The following AGBL1 variants were observed in gnomAD, a reference collection of about 807,000 sequenced individuals.
AGBL1 encodes the protein cytosolic carboxypeptidase 4.
Under a neutral mutation model 118.9 loss-of-function variants are expected in AGBL1, and 130 were observed. That is an observed-to-expected ratio of 1.09 (90% confidence interval 0.95 to 1.26). The LOEUF (loss-of-function observed/expected upper bound fraction) is 1.26, where lower values mean the gene tolerates loss of function less well. Among genes scored for constraint, AGBL1 ranks in the 50% most tolerant of loss-of-function variants. AGBL1 has a pLI of 0.00. For synonymous variants in AGBL1, 555 were observed against 478.9 expected, an observed-to-expected ratio of 1.16 and a Z score of -2.08; for missense variants, 1,584 against 1,298.1, an observed-to-expected ratio of 1.22 and a Z score of -3.38.
intron 5 of AGBL1, among the ~76,000 whole-genome samples, chr15:86,224,001 T>G (rs1054495158): frequency 6.6e-6 from 1 of 152,164 alleles, no homozygotes; most frequent in Non-Finnish European, 1.5e-5. Flanking sequence ...ATCCCAGCTC[T>G]GCTGACATGT....
rs139952795 is a variant in AGBL1, at chr15:86,877,591, C to G, written c.3159-29496C>G. On this transcript the variant is annotated intron_variant, in intron 22 of 22. Coordinates refer to ENST00000614907, the MANE Select transcript of AGBL1 (RefSeq NM_001386094.1). Reference sequence around the variant, plus strand: ...ATGAGCCTCCCCTACAGGAAGGAAACACACTAGGCATCTCCAAGTCCAGTT... The same window carrying G: ...ATGAGCCTCCCCTACAGGAAGGAAAGACACTAGGCATCTCCAAGTCCAGTT... 3.3e-5 allele frequency among the ~76,000 whole-genome samples: 5 copies of G among 152,274 alleles called. No homozygotes were observed. The East Asian group carries it at 9.7e-4, about 29-fold the overall frequency.
chr15:86,444,491 G>T (rs546246499), intron 18 of AGBL1, among the ~76,000 whole-genome samples: 2 of 152,160 alleles, frequency 1.3e-5, no homozygotes, highest in African/African-American at 2.4e-5. Flanking sequence ...TTGCCCAAAG[G>T]GTTCACTACA....
intron 18 of AGBL1, among the ~76,000 whole-genome samples, chr15:86,509,345 G>T (rs1247210418): frequency 1.3e-5 from 2 of 152,046 alleles, no homozygotes; most frequent in Non-Finnish European, 2.9e-5. Context: ...GGATTTGAGA[G>T]TTGGGAGAGC....
intron 17 of AGBL1, among the ~76,000 whole-genome samples, chr15:86,354,052 C>T (rs1210909888): frequency 3.3e-5 from 5 of 152,178 alleles, no homozygotes; most frequent in Non-Finnish European, 5.9e-5. Flanking sequence ...GGGTGATTTG[C>T]ACTTCTGCAT....
chr15:86,340,396 T>C (rs926980822), intron 17 of AGBL1, among the ~76,000 whole-genome samples: 4 of 152,048 alleles, frequency 2.6e-5, no homozygotes, highest in Non-Finnish European at 5.9e-5. Context: ...GATGAAGTCA[T>C]CCTAGGTTTA....
At chr15:86,927,517 T>C (rs1243599707) in intron 23 of AGBL1, among the ~76,000 whole-genome samples, 1 of 151,922 alleles carries the variant, frequency 6.6e-6, no homozygotes, top group Non-Finnish European at 1.5e-5. Flanking sequence ...AGCCCAGGAG[T>C]TCCAGGCTGC....
At chr15:86,795,910 A>G (rs1387525523) in intron 22 of AGBL1, among the ~76,000 whole-genome samples, 1 of 151,592 alleles carries the variant, frequency 6.6e-6, no homozygotes, top group Non-Finnish European at 1.5e-5. Flanking sequence ...CTTACAGCCC[A>G]GAAGGCACAC....
intron 22 of AGBL1, among the ~76,000 whole-genome samples, chr15:86,725,002 T>C (rs1312204233): frequency 2.0e-5 from 3 of 152,030 alleles, no homozygotes; most frequent in Non-Finnish European, 4.4e-5. Context: ...TATTCCTTTA[T>C]AGCAATGCAA....
At chr15:86,421,762 G>A (rs1200902612) in intron 18 of AGBL1, among the ~76,000 whole-genome samples, 1 of 151,924 alleles carries the variant, frequency 6.6e-6, no homozygotes, top group Non-Finnish European at 1.5e-5. Context: ...GGAAGATTTA[G>A]CAAGCAAATA....
At chr15:86,128,623 A>T (rs142979488) in intron 1 of AGBL1, among the ~76,000 whole-genome samples, 1 of 152,282 alleles carries the variant, frequency 6.6e-6, no homozygotes, top group African/African-American at 2.4e-5. Flanking sequence ...GTTCAACCTT[A>T]CAGTGTTTGC....
intron 22 of AGBL1, among the ~76,000 whole-genome samples, chr15:86,845,471 T>A (rs1337591405): frequency 1.3e-5 from 2 of 152,144 alleles, no homozygotes; most frequent in Non-Finnish European, 2.9e-5. Flanking sequence ...TGATGTACAA[T>A]CCTTTTTTTA....
chr15:86,278,249 A>G (rs1401747127), intron 15 of AGBL1, among the ~76,000 whole-genome samples: 2 of 152,188 alleles, frequency 1.3e-5, no homozygotes, highest in Non-Finnish European at 2.9e-5. Flanking sequence ...AAGGAAACGG[A>G]TTCTATTAAT....
intron 22 of AGBL1, among the ~76,000 whole-genome samples, chr15:86,859,918 C>T (rs2079537634): frequency 6.6e-6 from 1 of 152,114 alleles, no homozygotes; most frequent in Non-Finnish European, 1.5e-5. Flanking sequence ...GTTTGCTATC[C>T]AAAGTGAGAT....
intron 15 of AGBL1, among the ~76,000 whole-genome samples, chr15:86,273,359 T>G (rs897634418): frequency 3.3e-5 from 5 of 152,200 alleles, no homozygotes; most frequent in Admixed American, 2.6e-4. Flanking sequence ...ATGTATAATA[T>G]AATTCATTTT....
At chr15:86,712,033 G>T (rs1218655596) in intron 22 of AGBL1, among the ~76,000 whole-genome samples, 2 of 152,112 alleles carry the variant, frequency 1.3e-5, no homozygotes, top group East Asian at 1.9e-4. Flanking sequence ...CTTCTGCAAA[G>T]ATACAGAGCT....
intron 17 of AGBL1, among the ~76,000 whole-genome samples, chr15:86,366,765 G>A (rs2080893393): frequency 6.6e-6 from 1 of 152,166 alleles, no homozygotes; most frequent in Admixed American, 6.5e-5. Flanking sequence ...CTGCCTCAGA[G>A]GTGCAGTCTC....
At chr15:86,575,005 A>G (rs2084066872) in intron 21 of AGBL1, among the ~76,000 whole-genome samples, 1 of 151,620 alleles carries the variant, frequency 6.6e-6, no homozygotes, top group Non-Finnish European at 1.5e-5. Context: ...CCTAACCAAT[A>G]TGGTGAAACC....
At chr15:86,797,587 G>A (rs1305095936) in intron 22 of AGBL1, among the ~76,000 whole-genome samples, 1 of 152,198 alleles carries the variant, frequency 6.6e-6, no homozygotes, top group African/African-American at 2.4e-5. Context: ...ATTACTGAGT[G>A]ATCACAGTTG....
chr15:86,780,544 A>G (rs1273096356), intron 22 of AGBL1, among the ~76,000 whole-genome samples: 1 of 152,198 alleles, frequency 6.6e-6, no homozygotes, highest in Non-Finnish European at 1.5e-5. Flanking sequence ...CTTTATTGGA[A>G]TCGCATTGAG....
Sources: gnomAD v4.1 joint callset for allele counts (sites outside exome capture counted in the v4.1 genomes callset) on GRCh38, gnomAD v4.1.1 for gene constraint, MANE v1.5 for transcripts, NCBI Gene and HGNC (gene_info 2026-07-23, HGNC 2026-07-21) for gene names.